NTM: variants seen among roughly 807,000 people sequenced by gnomAD.
NTM encodes the protein IgLON family member 2.
Under a neutral mutation model 42.1 loss-of-function variants are expected in NTM, and 13 were observed. The observed-to-expected ratio is 0.31, with a 90% CI of 0.20 to 0.49. The LOEUF is 0.49. Ranked by LOEUF, NTM falls within the 20% of genes least tolerant of loss-of-function variation. The pLI is 0.99. For missense variants in NTM, 373 were observed against 452.8 expected (o/e 0.82, Z 1.60); for synonymous variants, 187 against 179.2 (o/e 1.04, Z -0.35).
At chr11:131,762,962 G>T (rs757915817) in intron 1 of NTM, among the ~76,000 whole-genome samples, 1 of 152,182 alleles carries the variant, frequency 6.6e-6, no homozygotes, top group Non-Finnish European at 1.5e-5. Flanking sequence ...CGGGAATGTC[G>T]CATCATGCCA....
chr11:132,300,737 G>A (rs2094812593), intron 4 of NTM, among the ~76,000 whole-genome samples: 1 of 152,174 alleles, frequency 6.6e-6, no homozygotes, highest in Non-Finnish European at 1.5e-5. Context: ...ATATTACTGT[G>A]CCTCTCAGCA....
chr11:131,457,666 G>A (rs1565521031), intron 1 of NTM, among the ~76,000 whole-genome samples: 1 of 152,138 alleles, frequency 6.6e-6, no homozygotes. Flanking sequence ...TTCAGGAAGA[G>A]ATTTGGACCA....
At chr11:132,025,604 G>A (rs1028522921) in intron 2 of NTM, among the ~76,000 whole-genome samples, 4 of 152,110 alleles carry the variant, frequency 2.6e-5, no homozygotes, top group East Asian at 1.9e-4. Flanking sequence ...GTCCTAGACC[G>A]GCAGTTCTCA....
intron 2 of NTM, among the ~76,000 whole-genome samples, chr11:132,052,134 A>T (rs774434483): frequency 1.3e-5 from 2 of 152,228 alleles, no homozygotes; most frequent in African/African-American, 2.4e-5. Flanking sequence ...TTAAAGAAAT[A>T]TGTGACTGGT....
At chr11:131,932,565 A>G (rs2058744551) in intron 2 of NTM, among the ~76,000 whole-genome samples, 1 of 152,178 alleles carries the variant, frequency 6.6e-6, no homozygotes, top group African/African-American at 2.4e-5. Context: ...CTGGATCTTA[A>G]TTGCCCCTTC....
intron 1 of NTM, among the ~76,000 whole-genome samples, chr11:131,388,964 A>T (rs1339072274): frequency 6.8e-6 from 1 of 146,630 alleles, no homozygotes; most frequent in Non-Finnish European, 1.5e-5. Context: ...GTGAGACAAG[A>T]TCATGCCAAT....
chr11:132,299,844 G>A (rs1015906192), intron 4 of NTM, among the ~76,000 whole-genome samples: 33 of 151,966 alleles, frequency 2.2e-4, no homozygotes, highest in South Asian at 6.2e-4. Flanking sequence ...TCTCTTTTCC[G>A]CCAGCCATGC....
chr11:131,504,604 G>C (rs2047254752), intron 1 of NTM, among the ~76,000 whole-genome samples: 1 of 152,148 alleles, frequency 6.6e-6, no homozygotes, highest in African/African-American at 2.4e-5. Context: ...CCAAAATTGT[G>C]TGTGCTGCTG....
intron 4 of NTM, among the ~76,000 whole-genome samples, chr11:132,277,092 G>A (rs547095867): frequency 6.6e-6 from 1 of 152,168 alleles, no homozygotes; most frequent in African/African-American, 2.4e-5. Context: ...TCATGTGATT[G>A]GTGAATAAAG....
At chr11:131,863,683 A>G (rs945245831) in intron 1 of NTM, among the ~76,000 whole-genome samples, 3 of 152,184 alleles carry the variant, frequency 2.0e-5, no homozygotes, top group Non-Finnish European at 4.4e-5. Context: ...CGTCCACAAG[A>G]GCGGGATATG....
chr11:131,993,416 A>C (rs1172521365), intron 2 of NTM, among the ~76,000 whole-genome samples: 1 of 152,094 alleles, frequency 6.6e-6, no homozygotes, highest in Non-Finnish European at 1.5e-5. Context: ...TAATTAAGTG[A>C]TGGAGGGGGA....
chr11:131,532,803 T>A (rs1055973479), intron 1 of NTM, among the ~76,000 whole-genome samples: 1 of 152,252 alleles, frequency 6.6e-6, no homozygotes, highest in Non-Finnish European at 1.5e-5. Context: ...GGTTTTGATT[T>A]GCATTTCTCT....
At position 132,101,556 on chromosome 11, in the gene NTM, T is replaced by TTG. The variant is rs979774841; in HGVS notation, c.168-44698_168-44697dup. On this transcript the variant is annotated intron_variant, in intron 2 of 8. Transcript: ENST00000683400. ...TTTGGATAGACCAAGGAACACAACC[T>TTG]TGTGTGTGTGTGTGTGTGTGTGTGT... Among the ~76,000 whole-genome samples, 107 of 131,138 alleles carry TTG rather than the reference T, an allele frequency of 8.2e-4. No homozygotes were observed. The East Asian group carries it at 0.01, about 12-fold the overall frequency. The allele number at this position is 131,138 out of a possible 152,430, so 86.0% of individuals were successfully genotyped here. A position where few individuals can be genotyped will look rare whatever the true frequency, so the allele number is the denominator to read the frequency against.
intron 1 of NTM, among the ~76,000 whole-genome samples, chr11:131,405,837 G>A (rs773913433): frequency 5.5e-4 from 84 of 152,104 alleles, no homozygotes; most frequent in Non-Finnish European, 1.1e-3. Context: ...CACTAACCCT[G>A]TCCCTCCTTC....
chr11:132,248,571 A>G (rs2091528796), intron 4 of NTM, among the ~76,000 whole-genome samples: 1 of 152,190 alleles, frequency 6.6e-6, no homozygotes, highest in Admixed American at 6.5e-5. Context: ...CAGTACTGCC[A>G]TGCAAATCAG....
intron 1 of NTM, among the ~76,000 whole-genome samples, chr11:131,759,228 G>C (rs2083765913): frequency 6.6e-6 from 1 of 152,166 alleles, no homozygotes; most frequent in South Asian, 2.1e-4. Context: ...CTCTGGTACT[G>C]TTCACAGGCA....
At chr11:131,865,255 G>A (rs1472398497) in intron 1 of NTM, among the ~76,000 whole-genome samples, 1 of 152,240 alleles carries the variant, frequency 6.6e-6, no homozygotes, top group Non-Finnish European at 1.5e-5. Context: ...AGCCCCTTCT[G>A]TTGGATCCCA....
intron 4 of NTM, among the ~76,000 whole-genome samples, chr11:132,297,241 C>T (rs2094645930): frequency 6.6e-6 from 1 of 152,210 alleles, no homozygotes; most frequent in Non-Finnish European, 1.5e-5. Context: ...ATTGTCTTAA[C>T]TATAGATTTG....
At chr11:131,766,575 G>GC (rs149284686) in intron 1 of NTM, among the ~76,000 whole-genome samples, 14 of 151,434 alleles carry the variant, frequency 9.2e-5, no homozygotes, top group African/African-American at 2.9e-4. Flanking sequence ...CACACAGCAG[G>GC]CCCCCCCCTT....
Sources: gnomAD v4.1 joint callset for allele counts (sites outside exome capture counted in the v4.1 genomes callset) on GRCh38, gnomAD v4.1.1 for gene constraint, MANE v1.5 for transcripts, NCBI Gene and HGNC (gene_info 2026-07-23, HGNC 2026-07-21) for gene names.